The following UCKL1 variants were observed in gnomAD, a reference collection of about 807,000 sequenced individuals.
The protein encoded by UCKL1 is uridine-cytidine kinase 1 like 1.
In UCKL1, 65 loss-of-function variants were observed where a neutral mutation model predicts 59.2. The observed-to-expected ratio is 1.10, with a 90% confidence interval of 0.90 to 1.35. UCKL1 has a LOEUF of 1.35. Ranked by LOEUF, UCKL1 falls within the 40% of genes most tolerant of loss-of-function variation. The probability of loss-of-function intolerance (pLI) is 0.00; values close to 1 mark genes in which losing one functional copy is unlikely to be tolerated. For missense variants in UCKL1, 703 were observed against 784.3 expected (o/e 0.90, Z 1.24); for synonymous variants, 410 against 323.1 (o/e 1.27, Z -2.88).
chr20:63,953,491 A>C (rs1486434694), intron 1 of UCKL1: 1 of 152,170 alleles, frequency 6.6e-6, no homozygotes, highest in Non-Finnish European at 1.5e-5. Context: ...ATCTGAGGTC[A>C]GGAGTTCAAG....
In UCKL1 at chr20:63,945,943, T is replaced by C. The variant is rs1022510082; in HGVS notation, c.444A>G (p.Ala148=). The change falls in exon 4 of 15, where the codon GCA becomes GCG. Residue 148 remains alanine (A), a synonymous_variant. Transcript: ENST00000354216. Reference sequence around the variant, plus strand: ...GGTGGTCGAAGTTGAAGTTGTTGTGTGCGGCCTGTTCCTGCTGCTGCTCAG... The same window carrying C: ...GGTGGTCGAAGTTGAAGTTGTTGTGCGCGGCCTGTTCCTGCTGCTGCTCAG... ...VLTEQQQEQA[A]HNNFNFDHPD... 12 of 1,613,844 alleles carry C rather than the reference T, an allele frequency of 7.4e-6. No homozygotes were observed. Among genetic ancestry groups the C allele is most frequent in the East Asian group, 2.2e-5 (1 of 44,872 alleles).
chr20:63,941,070 C>G lies in UCKL1; in HGVS notation c.1023-27G>C, dbSNP rs201828595. 5 of 1,599,730 alleles carry G rather than the reference C, an allele frequency of 3.1e-6. No homozygotes were observed. The South Asian group carries it at 4.5e-5, about 14-fold the overall frequency. On this transcript the variant is annotated intron_variant, in intron 9 of 14. Coordinates refer to ENST00000354216, the MANE Select transcript of UCKL1 (RefSeq NM_017859.4). ...TGTGGGGCCAACAGTTGAGCGGGAG[C>G]ACGCGCCCGGGGCCGCCCCGTCCCC...
intron 1 of UCKL1, among the ~76,000 whole-genome samples, chr20:63,948,761 A>T (rs2057079203): frequency 6.6e-6 from 1 of 151,216 alleles, no homozygotes; most frequent in African/African-American, 2.4e-5. Flanking sequence ...AACCATGATC[A>T]CTCTCTGGCC....
intron 1 of UCKL1, chr20:63,948,593 GA>G (rs2056938930): frequency 2.3e-5 from 3 of 131,120 alleles, no homozygotes; most frequent in South Asian, 2.2e-4. Flanking sequence ...GTGTGAGAGG[GA>G]GGGGGCGTGT....
At position 63,945,716 on chromosome 20, in the gene UCKL1, G is replaced by T. The variant is rs559834311; in HGVS notation, c.589C>A (p.Leu197Met). 3.7e-6 allele frequency: 6 copies of T among 1,613,034 alleles called. No individual in the cohort carries two copies. In the South Asian group the frequency reaches 6.6e-5, roughly 18 times the overall value. The change falls in exon 5 of 15, where the codon CTG (leucine) becomes ATG (methionine). Residue 197 changes from leucine to methionine, a missense_variant. Leu to Met is a conservative substitution (Grantham distance 15). Coordinates refer to ENST00000354216, the MANE Select transcript of UCKL1 (RefSeq NM_017859.4). The part of the protein sequence containing the change: ...THSRKKDWKT[L>M]YGANVIIFEG... ...AAGATGATGACGTTTGCACCATACA[G>T]TGTTTTCTGTGAAGAAACCCAGGAG...
chr20:63,940,199 C>T lies in UCKL1; in HGVS notation c.1518G>A (p.Thr506=), dbSNP rs1291623917. The T allele has an allele frequency of 3.7e-6, 6 of 1,612,654 alleles. No individual in the cohort carries two copies. In the African/African-American group the frequency reaches 5.3e-5, roughly 14 times the overall value. ...YAFPRVRIIT[T]AVDKRVNDLF... ...GGTCATTGACCCGCTTGTCCACCGC[C>T]GTGGTGATGATTCTCACTCGCGGAA... The change falls in exon 14 of 15, where the codon ACG becomes ACA. Residue 506 remains threonine, a synonymous_variant. Transcript: ENST00000354216.
At chr20:63,942,404 G>A (rs2054826926) in intron 8 of UCKL1, 13 of 1,172,632 alleles carry the variant, frequency 1.1e-5, no homozygotes, top group Non-Finnish European at 1.4e-5. Flanking sequence ...GGCCTAGCGG[G>A]AGCAGCGGGG....
intron 8 of UCKL1, chr20:63,941,737 T>C: frequency 4.8e-6 from 1 of 206,956 alleles, no homozygotes; most frequent in Non-Finnish European, 1.1e-5. Flanking sequence ...TGCCCAAGCC[T>C]GGGGATGGCC....
chr20:63,952,809 G>T (rs533829582), intron 1 of UCKL1, among the ~76,000 whole-genome samples: 14 of 152,234 alleles, frequency 9.2e-5, no homozygotes, highest in Admixed American at 4.6e-4. Flanking sequence ...GTCGAATGTG[G>T]CTCAGTCCCC....
rs1479409697 is a variant in UCKL1, at chr20:63,940,662, C to A, written c.1234G>T (p.Ala412Ser). 1 of 1,608,780 alleles carries A rather than the reference C, an allele frequency of 6.2e-7. No individual in the cohort carries two copies. The highest frequency in any genetic ancestry group is 1.7e-5 in the Admixed American group (1 of 59,590). The change falls in exon 12 of 15, where the codon GCT becomes TCT. Residue 412 changes from alanine to serine, a missense_variant. Ala to Ser is a moderately conservative substitution (Grantham distance 99). Coordinates refer to ENST00000354216, the MANE Select transcript of UCKL1 (RefSeq NM_017859.4). ...CCGATGCGCACGTCTTTGCACACAG[C>A]GCGCAGCGCGGGCTCCATGGTTTCA... ...AGETMEPALR[A>S]VCKDVRIGTI...
chr20:63,947,343 A>G (rs761294931), intron 1 of UCKL1, among the ~76,000 whole-genome samples: 1 of 152,228 alleles, frequency 6.6e-6, no homozygotes, highest in Non-Finnish European at 1.5e-5. Context: ...CCCAAAATGG[A>G]CCACGTTCCC....
chr20:63,940,940 G>T lies in UCKL1; in HGVS notation c.1116+10C>A, dbSNP rs1453364382. 1 of 1,521,602 alleles carries T rather than the reference G, an allele frequency of 6.6e-7. No individual in the cohort carries two copies. Among genetic ancestry groups the T allele is most frequent in the Non-Finnish European group, 8.8e-7 (1 of 1,133,498 alleles). 94.3% of individuals were successfully genotyped at this position (1,521,602 alleles called of 1,614,324 possible). ...CCCACCCTCCACCTCGCGGGCTACGGGCTACGAACCTGAAAGGGCAGGAAG... is the reference window on the plus strand; with the variant it reads ...CCCACCCTCCACCTCGCGGGCTACGTGCTACGAACCTGAAAGGGCAGGAAG... On this transcript the variant is annotated intron_variant, in intron 10 of 14. Coordinates refer to ENST00000354216, the MANE Select transcript of UCKL1 (RefSeq NM_017859.4).
chr20:63,944,164 T>G (rs912646930), intron 7 of UCKL1, among the ~76,000 whole-genome samples: 1 of 152,204 alleles, frequency 6.6e-6, no homozygotes, highest in Non-Finnish European at 1.5e-5. Context: ...CCTGAGCACC[T>G]GTACCCCCAC....
chr20:63,949,990 C>T (rs780582761), intron 1 of UCKL1, among the ~76,000 whole-genome samples: 56 of 152,248 alleles, frequency 3.7e-4, no homozygotes, highest in Non-Finnish European at 6.6e-4. Flanking sequence ...CCTTCCAACC[C>T]CGCATTTGTG....
At chr20:63,941,455 G>C in intron 8 of UCKL1, 1 of 571,322 alleles carries the variant, frequency 1.8e-6, no homozygotes, top group Non-Finnish European at 3.2e-6. Context: ...GAAAGCTAGC[G>C]GGGTAGGCTG....
chr20:63,954,959 CCT>C (rs2058325721), intron 1 of UCKL1: 1 of 152,284 alleles, frequency 6.6e-6, no homozygotes, highest in African/African-American at 2.4e-5. Flanking sequence ...TAAATCAAAA[CCT>C]CTTTGGTGGC....
intron 1 of UCKL1, among the ~76,000 whole-genome samples, chr20:63,947,049 C>A (rs1170540721): frequency 2.0e-5 from 3 of 151,900 alleles, no homozygotes; most frequent in Admixed American, 1.3e-4. Flanking sequence ...CCACTGCACT[C>A]CAGTCTGGGT....
At chr20:63,948,970 G>T (rs1326259209) in intron 1 of UCKL1, among the ~76,000 whole-genome samples, 1 of 100,878 alleles carries the variant, frequency 9.9e-6, no homozygotes, top group Admixed American at 9.4e-5. Context: ...GCACACACAG[G>T]GGGCAGTGGA....
At chr20:63,952,362 G>A (rs1265182520) in intron 1 of UCKL1, among the ~76,000 whole-genome samples, 3 of 152,224 alleles carry the variant, frequency 2.0e-5, no homozygotes, top group African/African-American at 4.8e-5. Context: ...GTGCTGGCCA[G>A]GCGAGGGACG....
Sources: gnomAD v4.1 joint callset for allele counts (sites outside exome capture counted in the v4.1 genomes callset) on GRCh38, gnomAD v4.1.1 for gene constraint, MANE v1.5 for transcripts, NCBI Gene and HGNC (gene_info 2026-07-23, HGNC 2026-07-21) for gene names.